Variants in NTRK3 observed in about 807,000 individuals in gnomAD.
NTRK3 encodes NT-3 growth factor receptor.
Under a neutral mutation model 91.7 loss-of-function variants are expected in NTRK3, and 24 were observed. That is an observed-to-expected ratio of 0.26 (90% CI 0.19 to 0.37). The LOEUF (loss-of-function observed/expected upper bound fraction) is 0.37, where lower values mean the gene tolerates loss of function less well. NTRK3 is among the 10% of genes least tolerant of loss of function. NTRK3 has a pLI of 1.00. For missense variants in NTRK3, 880 were observed against 1,068.9 expected, an observed-to-expected ratio of 0.82 and a Z score of 2.46; for synonymous variants, 483 against 404.0, an observed-to-expected ratio of 1.20 and a Z score of -2.34.
intron 16 of NTRK3, among the ~76,000 whole-genome samples, chr15:87,930,295 C>A (rs933854317): frequency 6.6e-6 from 1 of 152,180 alleles, no homozygotes; most frequent in East Asian, 1.9e-4. Flanking sequence ...TCACTTTTAG[C>A]ATTCACTCTT....
chr15:87,969,928 C>T (rs2141264578), intron 14 of NTRK3, among the ~76,000 whole-genome samples: 1 of 152,286 alleles, frequency 6.6e-6, no homozygotes, highest in South Asian at 2.1e-4. Context: ...CCCAAAGGGG[C>T]AGCCATCTCT....
exon 17 of NTRK3, chr15:87,929,383 G>T (rs375334981): frequency 1.2e-6 from 2 of 1,613,992 alleles, no homozygotes; most frequent in Admixed American, 1.7e-5. Flanking sequence ...GCTCACCCTT[G>T]GCCTGGCGTG....
chr15:88,210,596 C>T (rs2141411926), intron 3 of NTRK3, among the ~76,000 whole-genome samples: 1 of 152,330 alleles, frequency 6.6e-6, no homozygotes, highest in African/African-American at 2.4e-5. Context: ...GATGATGCTG[C>T]TGGGTCTTCC....
intron 5 of NTRK3, among the ~76,000 whole-genome samples, chr15:88,163,457 C>T (rs1054139707): frequency 6.6e-6 from 1 of 152,196 alleles, no homozygotes; most frequent in African/African-American, 2.4e-5. Context: ...TCCCCACTCA[C>T]ATGCTCCCAG....
At chr15:88,142,556 A>T (rs536600087) in intron 6 of NTRK3, among the ~76,000 whole-genome samples, 4 of 152,214 alleles carry the variant, frequency 2.6e-5, no homozygotes, top group Admixed American at 6.5e-5. Flanking sequence ...TTCCAGTGAC[A>T]GTCCTGGGGC....
chr15:87,897,915 T>C (rs1016353582), intron 17 of NTRK3, among the ~76,000 whole-genome samples: 1 of 152,238 alleles, frequency 6.6e-6, no homozygotes, highest in African/African-American at 2.4e-5. Flanking sequence ...TGCTCTTTGC[T>C]AGCTAAGCAA....
intron 14 of NTRK3, among the ~76,000 whole-genome samples, chr15:88,025,413 C>G (rs551339313): frequency 6.6e-6 from 1 of 152,188 alleles, no homozygotes; most frequent in South Asian, 2.1e-4. Context: ...GGTCAAAGCC[C>G]TAACTCCCAG....
chr15:88,188,365 A>G (rs2047117765), intron 3 of NTRK3, among the ~76,000 whole-genome samples: 1 of 152,238 alleles, frequency 6.6e-6, no homozygotes, highest in Non-Finnish European at 1.5e-5. Flanking sequence ...ATATCTGGAC[A>G]CATTTTTGAT....
intron 17 of NTRK3, among the ~76,000 whole-genome samples, chr15:87,903,074 A>T (rs571132701): frequency 1.3e-5 from 2 of 152,296 alleles, no homozygotes; most frequent in East Asian, 3.9e-4. Flanking sequence ...CTTCAGCCGG[A>T]TGCATCTGCC....
intron 13 of NTRK3, among the ~76,000 whole-genome samples, chr15:88,045,511 A>G (rs1241191904): frequency 1.3e-5 from 2 of 152,358 alleles, no homozygotes; most frequent in South Asian, 2.1e-4. Context: ...CGTTGCCCCA[A>G]GTGCTACCCC....
exon 19 of NTRK3, chr15:87,876,739 T>TA: frequency 2.5e-6 from 1 of 393,800 alleles, no homozygotes; most frequent in Non-Finnish European, 4.7e-6. Flanking sequence ...ATATATATAT[T>TA]TGCCAAACTG....
intron 3 of NTRK3, among the ~76,000 whole-genome samples, chr15:88,187,785 T>G (rs1376970241): frequency 6.6e-6 from 1 of 151,790 alleles, no homozygotes; most frequent in East Asian, 1.9e-4. Flanking sequence ...AATACAAAAA[T>G]TAGCCAGGTA....
intron 13 of NTRK3, among the ~76,000 whole-genome samples, chr15:88,121,762 G>A (rs2052730864): frequency 6.6e-6 from 1 of 152,178 alleles, no homozygotes; most frequent in Non-Finnish European, 1.5e-5. Flanking sequence ...TGGCTGATAG[G>A]GCAGTGCCCA....
intron 14 of NTRK3, chr15:87,979,277 G>T: frequency 8.8e-7 from 1 of 1,139,962 alleles, no homozygotes; most frequent in Non-Finnish European, 1.3e-6. Context: ...AATGCCTAGA[G>T]CTTCCAACCT....
rs1210033874 is a variant in NTRK3, at chr15:88,240,200, C to A, written c.248+15706G>T. Among the ~76,000 whole-genome samples, 3 of 151,914 alleles carry A rather than the reference C, an allele frequency of 2.0e-5. No homozygotes were observed. The highest frequency in any genetic ancestry group is 7.3e-5 in the African/African-American group (3 of 41,334). ...CTCCCCTACTTTCCCATCCCGTCCCCAGCCACCGCCATAGAAACATCACAA... is the reference window on the plus strand; with the variant it reads ...CTCCCCTACTTTCCCATCCCGTCCCAAGCCACCGCCATAGAAACATCACAA... On this transcript the variant is annotated intron_variant, in intron 3 of 18. Coordinates refer to ENST00000394480, the Ensembl canonical transcript of NTRK3. This position sits in a 1 kb window ranked among gnomAD's most constrained non-coding sequence, Gnocchi z 4.9.
chr15:88,072,615 G>A (rs1347824809), intron 13 of NTRK3: 1 of 232,456 alleles, frequency 4.3e-6, no homozygotes, highest in Non-Finnish European at 8.5e-6. Context: ...AATAAACACA[G>A]TTTATTCTTA....
intron 14 of NTRK3, among the ~76,000 whole-genome samples, chr15:87,950,915 G>T (rs544062099): frequency 1.3e-5 from 2 of 152,286 alleles, no homozygotes; most frequent in African/African-American, 4.8e-5. Flanking sequence ...CAGTTGGGAG[G>T]CACACAGTAG....
chr15:87,932,792 A>C (rs1432685338), intron 16 of NTRK3, among the ~76,000 whole-genome samples: 5 of 152,162 alleles, frequency 3.3e-5, no homozygotes, highest in African/African-American at 1.2e-4. Flanking sequence ...AGTATAGGAT[A>C]CTTATCATAG....
At chr15:88,043,161 C>T (rs1191022199) in intron 13 of NTRK3, among the ~76,000 whole-genome samples, 5 of 152,162 alleles carry the variant, frequency 3.3e-5, no homozygotes, top group African/African-American at 1.2e-4. Flanking sequence ...CTGAGAATGT[C>T]AAAACAAGCA....
Sources: allele counts gnomAD v4.1 joint callset (sites outside exome capture counted in the v4.1 genomes callset), GRCh38; gene constraint gnomAD v4.1.1; non-coding constraint Gnocchi (gnomAD v3.1); transcripts MANE v1.5; gene names NCBI Gene and HGNC (gene_info 2026-07-23, HGNC 2026-07-21).